ADD3: variants seen among roughly 807,000 people sequenced by gnomAD.
ADD3 encodes gamma-adducin.
A neutral mutation model predicts 80.2 loss-of-function variants in ADD3; 25 were observed. The ratio of observed to expected loss-of-function variants is 0.31; its 90% CI spans 0.23 to 0.44. The LOEUF (loss-of-function observed/expected upper bound fraction) is 0.44, where lower values mean the gene tolerates loss of function less well. ADD3 is among the 20% of genes least tolerant of loss of function. ADD3 has a pLI of 1.00. For synonymous variants in ADD3, 284 were observed against 289.6 expected, an observed-to-expected ratio of 0.98 and a Z score of 0.20; for missense variants, 829 against 847.5, an observed-to-expected ratio of 0.98 and a Z score of 0.27.
chr10:110,097,809 C>G (rs1043459445), intron 1 of ADD3, among the ~76,000 whole-genome samples: 1 of 147,844 alleles, frequency 6.8e-6, no homozygotes, highest in African/African-American at 2.6e-5. Context: ...GAGTCTCGCT[C>G]TGTCACCCAG....
Position 110,022,369 on chromosome 10 carries a change from T to TA in ADD3, c.-30+14078dup, listed in dbSNP as rs202183974. On this transcript the variant is annotated intron_variant, in intron 1 of 14. Transcript: ENST00000356080. ...CAACCCAAAGTTATATTTACCTTCA[T>TA]AAAAAAAACAGAACCATCAAAGAGG... Among the ~76,000 whole-genome samples the TA allele has an allele frequency of 3.1e-3, 475 of 151,876 alleles. 2 individuals carry two copies. Among genetic ancestry groups the TA allele is most frequent in the African/African-American group, 9.8e-3 (405 of 41,454 alleles).
intron 1 of ADD3, among the ~76,000 whole-genome samples, chr10:110,089,564 A>G (rs1278072709): frequency 6.6e-6 from 1 of 152,148 alleles, no homozygotes; most frequent in Non-Finnish European, 1.5e-5. Context: ...TAGAATGTTC[A>G]TTATATTTTG....
At chr10:110,033,902 A>G (rs12256260) in intron 1 of ADD3, among the ~76,000 whole-genome samples, 2,457 of 152,344 alleles carry the variant, frequency 0.016, 64 homozygotes, top group African/African-American at 0.052. Flanking sequence ...GAGATTTCTC[A>G]GGATAAATAG....
chr10:110,130,461 C>T lies in ADD3; in HGVS notation c.1707C>T (p.Ile569=), dbSNP rs187605001. 29 of 1,613,776 alleles carry T rather than the reference C, an allele frequency of 1.8e-5. No individual in the cohort carries two copies. In the Admixed American group the frequency reaches 2.8e-4, roughly 16 times the overall value. The change falls in exon 13 of 15, where the codon ATC becomes ATT. Residue 569 remains isoleucine (I), a synonymous_variant. Transcript: ENST00000356080. ...EGELEEYKRT[I]ERKQQGLEDA... ...AACTTGAAGAGTATAAGAGGACAAT[C>T]GAACGTAAACAACAAGGCCTAGAAG...
intron 1 of ADD3, among the ~76,000 whole-genome samples, chr10:110,087,624 A>G (rs1339378309): frequency 6.6e-6 from 1 of 152,232 alleles, no homozygotes. Context: ...AGAATGTTGC[A>G]TTGTACTTAT....
chr10:110,069,889 T>C (rs1844458385), intron 1 of ADD3, among the ~76,000 whole-genome samples: 1 of 152,234 alleles, frequency 6.6e-6, no homozygotes. Flanking sequence ...CAAAAGCACA[T>C]GACACAAAAC....
intron 1 of ADD3, among the ~76,000 whole-genome samples, chr10:110,047,884 C>T (rs1352118158): frequency 6.6e-6 from 1 of 152,132 alleles, no homozygotes; most frequent in East Asian, 1.9e-4. Flanking sequence ...TAATGAGAAC[C>T]ACTATCCCAT....
intron 12 of ADD3, among the ~76,000 whole-genome samples, 158 bp from the exon 13 acceptor site, chr10:110,130,205 T>C (rs1328441656): frequency 6.6e-6 from 1 of 152,202 alleles, no homozygotes; most frequent in East Asian, 1.9e-4. Flanking sequence ...TACAAGAGCA[T>C]TTTAAACAAA....
chr10:110,128,299 A>G (rs1312514551), intron 12 of ADD3, among the ~76,000 whole-genome samples: 1 of 150,578 alleles, frequency 6.6e-6, no homozygotes, highest in Non-Finnish European at 1.5e-5. Flanking sequence ...TGAGCCTCTG[A>G]TTTTTTTCTT....
rs1335934627 is a variant in ADD3, at chr10:110,125,924, G to A, written c.1500G>A (p.Glu500=). ...TTCCTTTAAACACAAACCCGAATGA[G>A]GTACTAGAAAAGAGAAATAAGGTAA... The part of the protein sequence containing the change: ...QFVPLNTNPN[E]VLEKRNKIRE... The change falls in exon 11 of 15, where the codon GAG becomes GAA. Residue 500 remains glutamate (E), a synonymous_variant. Coordinates refer to ENST00000356080, the MANE Select transcript of ADD3 (RefSeq NM_016824.5). The A allele has an allele frequency of 1.9e-6, 3 of 1,606,804 alleles. No individual in the cohort carries two copies. In the East Asian group the frequency reaches 6.7e-5, roughly 36 times the overall value.
chr10:110,075,313 T>G (rs1212167256), intron 1 of ADD3, among the ~76,000 whole-genome samples: 1 of 152,144 alleles, frequency 6.6e-6, no homozygotes, highest in African/African-American at 2.4e-5. Flanking sequence ...TTGCTCTCTC[T>G]GTGATTGGGG....
At chr10:110,059,921 G>A (rs975137537) in intron 1 of ADD3, among the ~76,000 whole-genome samples, 3 of 152,214 alleles carry the variant, frequency 2.0e-5, no homozygotes, top group African/African-American at 7.2e-5. Context: ...GGGACATCAT[G>A]ATGAAAGGTT....
rs561605259 is a variant in ADD3 at position 110,116,580 on chromosome 10, A to G, written c.486+170A>G. Among the ~76,000 whole-genome samples, 6 of 152,320 alleles carry G rather than the reference A, an allele frequency of 3.9e-5. No individual in the cohort carries two copies. The East Asian group carries it at 1.2e-3, about 29-fold the overall frequency. ...CCTTATACCCAAGGGAGAGGCTCCA[A>G]TTCCCCCACCTTTCTTCTCCCCTTA... On this transcript the variant is annotated intron_variant, in intron 4 of 14. Transcript: ENST00000356080.
chr10:110,022,128 G>A (rs1318093970), intron 1 of ADD3, among the ~76,000 whole-genome samples: 1 of 151,620 alleles, frequency 6.6e-6, no homozygotes, highest in Non-Finnish European at 1.5e-5. Flanking sequence ...TAACTCAGGG[G>A]TGAGTCTAAT....
intron 1 of ADD3, among the ~76,000 whole-genome samples, chr10:110,043,169 G>A (rs1437545698): frequency 6.6e-6 from 1 of 152,132 alleles, no homozygotes; most frequent in Admixed American, 6.5e-5. Flanking sequence ...TGTGGTTGTT[G>A]GGCCAGCCCA....
intron 1 of ADD3, among the ~76,000 whole-genome samples, chr10:110,076,476 AAAAT>A (rs1200376379): frequency 5.3e-5 from 8 of 152,180 alleles, no homozygotes; most frequent in Non-Finnish European, 1.2e-4. Flanking sequence ...CCATAAATTC[AAAAT>A]AAATCTTATT....
At chr10:110,049,209 G>A (rs939781954) in intron 1 of ADD3, among the ~76,000 whole-genome samples, 4 of 152,208 alleles carry the variant, frequency 2.6e-5, no homozygotes, top group Admixed American at 2.0e-4. Context: ...TTAGATTTCC[G>A]AGGATGTATG....
chr10:110,128,980 G>T (rs1224656342), intron 12 of ADD3, among the ~76,000 whole-genome samples: 2 of 152,094 alleles, frequency 1.3e-5, no homozygotes, highest in Non-Finnish European at 2.9e-5. Flanking sequence ...TGTGGACCAG[G>T]TTGTTTCTCT....
At chr10:110,003,289 T>G, upstream of ADD3, among the ~76,000 whole-genome samples, 1 of 103,628 alleles carries the variant, frequency 9.6e-6, no homozygotes, top group African/African-American at 6.1e-5. Context: ...GTTGTTAAAT[T>G]GGGAACAGTA....
Sources: allele counts gnomAD v4.1 joint callset (sites outside exome capture counted in the v4.1 genomes callset), GRCh38; gene constraint gnomAD v4.1.1; transcripts MANE v1.5; gene names NCBI Gene and HGNC (gene_info 2026-07-23, HGNC 2026-07-21).